The following DMD variants were observed in gnomAD, a reference collection of about 807,000 sequenced individuals.
The protein encoded by DMD is dystrophin.
Under a neutral mutation model 330.1 loss-of-function variants are expected in DMD, and 63 were observed. The ratio of observed to expected loss-of-function variants is 0.19; its 90% CI spans 0.16 to 0.24. DMD has a LOEUF of 0.24. Among genes scored for constraint, DMD ranks in the 10% least tolerant of loss-of-function variants. The pLI is 1.00. For synonymous variants in DMD, 1,223 were observed against 959.8 expected, an observed-to-expected ratio of 1.27 and a Z score of -5.07; for missense variants, 3,344 against 2,684.1, an observed-to-expected ratio of 1.25 and a Z score of -5.43.
At chrX:32,708,878 T>C (rs1037921738) in intron 7 of DMD, among the ~76,000 whole-genome samples, 2 of 111,363 alleles carry the variant, frequency 1.8e-5, no homozygotes, top group African/African-American at 6.5e-5. Context: ...ACACACAAAC[T>C]TCAACAACTG....
At chrX:32,721,582 C>T (rs1011494600) in intron 7 of DMD, among the ~76,000 whole-genome samples, 4 of 110,292 alleles carry the variant, frequency 3.6e-5, no homozygotes, top group African/African-American at 1.3e-4. Context: ...TGTGCAAGTT[C>T]CTTATATATT....
chrX:32,652,455 A>T (rs1358380403), intron 9 of DMD, among the ~76,000 whole-genome samples: 3 of 109,724 alleles, frequency 2.7e-5, no homozygotes, highest in African/African-American at 3.3e-5. Context: ...GTCCCTACAA[A>T]GGACATGAAC....
intron 2 of DMD, among the ~76,000 whole-genome samples, chrX:32,878,559 C>CAAT (rs1406676559): frequency 1.8e-5 from 2 of 111,480 alleles, no homozygotes; most frequent in Non-Finnish European, 3.8e-5. Context: ...TACAAAACTA[C>CAAT]AATACTACAG....
chrX:32,088,927 A>G (rs749029862), intron 44 of DMD, among the ~76,000 whole-genome samples: 24 of 111,805 alleles, frequency 2.1e-4, no homozygotes, highest in African/African-American at 6.8e-4. Context: ...ATGTATGTAA[A>G]GGCAAGCAAG....
chrX:32,224,847 T>G (rs1214559140), intron 43 of DMD, among the ~76,000 whole-genome samples: 1 of 111,861 alleles, frequency 8.9e-6, no homozygotes, highest in Non-Finnish European at 1.9e-5. Context: ...TAGGAACTCA[T>G]TCTCATGCCT....
intron 1 of DMD, among the ~76,000 whole-genome samples, chrX:33,071,527 A>C (rs2094757093): frequency 9.0e-6 from 1 of 111,011 alleles, no homozygotes. Context: ...GACACCTTAC[A>C]TTTATAAAGT....
intron 22 of DMD, among the ~76,000 whole-genome samples, chrX:32,471,249 G>T (rs1331142319): frequency 2.7e-5 from 3 of 111,967 alleles, no homozygotes; most frequent in Non-Finnish European, 5.6e-5. Context: ...CTGCACTCCA[G>T]CCTGGGCAAC....
intron 74 of DMD, among the ~76,000 whole-genome samples, chrX:31,168,400 G>A (rs909478937): frequency 9.0e-6 from 1 of 111,172 alleles, no homozygotes; most frequent in Non-Finnish European, 1.9e-5. Flanking sequence ...TTTATTGCAA[G>A]GGTGGGAAAG....
rs1008497189 is a variant in DMD, at chrX:32,910,591, T to C, written c.94-60771A>G. 2.7e-5 allele frequency among the ~76,000 whole-genome samples: 3 copies of C among 110,301 alleles called. 1 individual carries two copies. In the South Asian group the frequency reaches 1.2e-3, roughly 44 times the overall value. ...CTGGGATTCCAGGTGCCCGCCGCCATGCCTGGCTAATTTTTCTGTGTGTGC... is the reference window on the plus strand; with the variant it reads ...CTGGGATTCCAGGTGCCCGCCGCCACGCCTGGCTAATTTTTCTGTGTGTGC... On this transcript the variant is annotated intron_variant, in intron 2 of 78. Transcript: ENST00000357033.
At chrX:32,564,622 A>G (rs1362148876) in intron 16 of DMD, among the ~76,000 whole-genome samples, 2 of 112,240 alleles carry the variant, frequency 1.8e-5, no homozygotes, top group African/African-American at 6.5e-5. Context: ...AAATTATTAC[A>G]ATTTATATTC....
At chrX:32,061,129 C>T (rs750277240) in intron 44 of DMD, among the ~76,000 whole-genome samples, 6 of 110,978 alleles carry the variant, frequency 5.4e-5, no homozygotes, top group African/African-American at 2.0e-4. Context: ...TAACCCCAGG[C>T]CAGGGCAGAG....
At chrX:32,138,920 C>T (rs918538469) in intron 44 of DMD, among the ~76,000 whole-genome samples, 8 of 112,068 alleles carry the variant, frequency 7.1e-5, no homozygotes, top group Non-Finnish European at 5.6e-5. Flanking sequence ...ATTATCAGTC[C>T]GTTCAAAAAG....
intron 2 of DMD, among the ~76,000 whole-genome samples, chrX:33,015,332 A>AT (rs1191119949): frequency 3.2e-4 from 36 of 112,038 alleles, no homozygotes; most frequent in African/African-American, 1.1e-3. Flanking sequence ...CTATGTAGCC[A>AT]TAAGAAAGAA....
At chrX:32,315,187 C>G (rs1037540049) in intron 41 of DMD, among the ~76,000 whole-genome samples, 2 of 111,864 alleles carry the variant, frequency 1.8e-5, no homozygotes, top group Non-Finnish European at 3.8e-5. Context: ...CACATATACA[C>G]CATGGGACAC....
At chrX:31,348,189 T>C in intron 61 of DMD, 1 of 211,372 alleles carries the variant, frequency 4.7e-6, no homozygotes, top group Non-Finnish European at 8.6e-6. Context: ...CAAAAGTATG[T>C]TTTTGCTTCA....
intron 30 of DMD, among the ~76,000 whole-genome samples, chrX:32,394,719 G>T (rs1409625323): frequency 9.2e-6 from 1 of 109,063 alleles, no homozygotes; most frequent in Non-Finnish European, 1.9e-5. Context: ...AAAGGAAACT[G>T]ATTTAAAAAA....
chrX:31,968,232 T>C lies in DMD; in HGVS notation c.6614+107A>G. 1.5e-5 allele frequency: 14 copies of C among 939,203 alleles called. No homozygotes were observed. In the South Asian group the frequency reaches 2.9e-4, roughly 19 times the overall value. The allele number at this position is 939,203 out of a possible 1,213,427, so 77.4% of individuals were successfully genotyped here. On this transcript the variant is annotated intron_variant, in intron 45 of 78. Coordinates refer to ENST00000357033, the MANE Select transcript of DMD (RefSeq NM_004006.3). Reference sequence around the variant, plus strand: ...GATTAATGGTTGATAGGTTCTTTAATGTTAGTGCCTTTCACCCTGCTTATA... The same window carrying C: ...GATTAATGGTTGATAGGTTCTTTAACGTTAGTGCCTTTCACCCTGCTTATA...
chrX:32,606,181 C>A (rs1457286626), intron 12 of DMD, among the ~76,000 whole-genome samples: 1 of 109,505 alleles, frequency 9.1e-6, no homozygotes, highest in African/African-American at 3.3e-5. Flanking sequence ...TCCCTTCCAC[C>A]ACCCTTCCCA....
intron 1 of DMD, among the ~76,000 whole-genome samples, chrX:33,304,302 A>G (rs1312053057): frequency 9.0e-6 from 1 of 111,032 alleles, no homozygotes; most frequent in Non-Finnish European, 1.9e-5. Flanking sequence ...CCTGAGAAAA[A>G]CAAGCAATGG....
Sources: allele counts gnomAD v4.1 joint callset (sites outside exome capture counted in the v4.1 genomes callset), GRCh38; gene constraint gnomAD v4.1.1; transcripts MANE v1.5; gene names NCBI Gene and HGNC (gene_info 2026-07-23, HGNC 2026-07-21).